BRD7: variants seen among roughly 807,000 people sequenced by gnomAD.
BRD7 encodes the protein bromodomain containing 7.
In BRD7, 15 loss-of-function variants were observed where a neutral mutation model predicts 82.1. That is an observed-to-expected ratio of 0.18 (90% CI 0.12 to 0.28). The LOEUF is 0.28. Ranked by LOEUF, BRD7 falls within the 10% of genes least tolerant of loss-of-function variation. The pLI, the probability that BRD7 is intolerant of heterozygous loss-of-function variation, is 1.00. For missense variants in BRD7, 638 were observed against 779.9 expected, an observed-to-expected ratio of 0.82 and a Z score of 2.17; for synonymous variants, 232 against 266.9, an observed-to-expected ratio of 0.87 and a Z score of 1.27.
At chr16:50,336,828 A>G (rs2037822067) in intron 6 of BRD7, among the ~76,000 whole-genome samples, 1 of 152,238 alleles carries the variant, frequency 6.6e-6, no homozygotes, top group Non-Finnish European at 1.5e-5. Context: ...GTCCCAGGAA[A>G]GAGTGAAGTT....
chr16:50,316,620 C>A lies in BRD7; in HGVS notation c.*2591G>T, dbSNP rs1413828350. On this transcript the variant is annotated 3_prime_UTR_variant, in exon 17 of 17. Transcript: ENST00000394688. ...GGCTCCTGGATCTGGGAAGCCCGCCCCCTCACAAATGCTGAGCCGTTCTTG... is the reference window on the plus strand; with the variant it reads ...GGCTCCTGGATCTGGGAAGCCCGCCACCTCACAAATGCTGAGCCGTTCTTG... 1 of 152,364 alleles carries A rather than the reference C, an allele frequency of 6.6e-6. No individual in the cohort carries two copies. Among genetic ancestry groups the A allele is most frequent in the Admixed American group, 6.5e-5 (1 of 15,278 alleles). The allele number at this position is 152,364 out of a possible 1,614,324, so 9.4% of individuals were successfully genotyped here. A position where few individuals can be genotyped will look rare whatever the true frequency, so the allele number is the denominator to read the frequency against.
rs2038178395 is a variant in BRD7 at position 50,343,953 on chromosome 16, C to G, written c.592-3867G>C. Among the ~76,000 whole-genome samples the G allele has an allele frequency of 2.0e-5, 3 of 152,204 alleles. No homozygotes were observed. The South Asian group carries it at 6.2e-4, about 31-fold the overall frequency. On this transcript the variant is annotated intron_variant, in intron 5 of 16. Coordinates refer to ENST00000394688, the MANE Select transcript of BRD7 (RefSeq NM_013263.5). ...ATGGAGTTTGAGATCTGAGAACGGA[C>G]AGACTACCTCCTGAAGTGAGTCCCT...
chr16:50,368,052 T>G (rs1424343735), intron 2 of BRD7, 38 bp downstream of exon 2: 8 of 1,605,702 alleles, frequency 5.0e-6, no homozygotes, highest in Non-Finnish European at 6.8e-6. Context: ...GAAGAGGCAG[T>G]GCCGTCCGCA....
rs1379783647 is a variant in BRD7, at chr16:50,316,334, CT to C, written c.*2876del. ...AGAGCCTTGCCTTTGAATGAGGCAGCTTGTGAGGCAAGCATTCTGGAGAGAG... is the reference window on the plus strand; with the variant it reads ...AGAGCCTTGCCTTTGAATGAGGCAGCTGTGAGGCAAGCATTCTGGAGAGAG... On this transcript the variant is annotated 3_prime_UTR_variant, in exon 17 of 17. Coordinates refer to ENST00000394688, the MANE Select transcript of BRD7 (RefSeq NM_013263.5). 6.6e-6 allele frequency: 1 copy of C among 152,388 alleles called. No individual in the cohort carries two copies. The highest frequency in any genetic ancestry group is 1.5e-5 in the Non-Finnish European group (1 of 68,064). 9.4% of individuals were successfully genotyped at this position (152,388 alleles called of 1,614,324 possible). A position where few individuals can be genotyped will look rare whatever the true frequency, so the allele number is the denominator to read the frequency against.
rs1469866765 is a variant in BRD7 at position 50,318,309 on chromosome 16, G to GAAA, written c.*899_*901dup. On this transcript the variant is annotated 3_prime_UTR_variant, in exon 17 of 17. Transcript: ENST00000394688. ...AATACTAATTAATTTTCAAAGTCAG[G>GAAA]AAAATAATAGAAATCAAATGGCTTC... 1 of 152,170 alleles carries GAAA rather than the reference G, an allele frequency of 6.6e-6. No individual in the cohort carries two copies. The highest frequency in any genetic ancestry group is 6.5e-5 in the Admixed American group (1 of 15,280). The allele number at this position is 152,170 out of a possible 1,614,324, so 9.4% of individuals were successfully genotyped here. A position where few individuals can be genotyped will look rare whatever the true frequency, so the allele number is the denominator to read the frequency against.
intron 2 of BRD7, among the ~76,000 whole-genome samples, chr16:50,356,335 T>G (rs533737068): frequency 5.3e-5 from 8 of 152,222 alleles, no homozygotes; most frequent in Non-Finnish European, 8.8e-5. Flanking sequence ...ACATGGAGAC[T>G]TGTAAGAGAT....
At chr16:50,347,195 T>C (rs2038319982) in intron 5 of BRD7, among the ~76,000 whole-genome samples, 1 of 152,310 alleles carries the variant, frequency 6.6e-6, no homozygotes. Context: ...AAAAGGCCTT[T>C]GACAAAATTC....
At chr16:50,337,307 C>CTGGAGTG (rs1305794717) in intron 6 of BRD7, among the ~76,000 whole-genome samples, 2 of 130,052 alleles carry the variant, frequency 1.5e-5, no homozygotes, top group African/African-American at 2.9e-5. Context: ...GTTGCCCAGG[C>CTGGAGTG]TGGAGTGCAG....
rs1567296282 is a variant in BRD7 at position 50,368,252 on chromosome 16, G to C, written c.96C>G (p.Asn32Lys). The C allele has an allele frequency of 6.2e-7, 1 of 1,614,126 alleles. No homozygotes were observed. Among genetic ancestry groups the C allele is most frequent in the Middle Eastern group, 1.6e-4 (1 of 6,062 alleles). Residue 32 changes from asparagine to lysine, a missense_variant, in exon 2 of 17, where the codon AAC becomes AAG. Asn to Lys is a moderately conservative substitution (Grantham distance 94, BLOSUM62 0). Around this residue, in one of 3 missense-constraint regions of BRD7, gnomAD observed 172 missense variants for 155.3 expected, o/e 1.11. Transcript: ENST00000394688. ...TGCCCGTGGAGAGTTCGGTGACTTC[G>C]TTCCCTCCTACTTTGAGGACCAGCT... ...PLKLVLKVGG[N>K]EVTELSTGSS...
intron 6 of BRD7, among the ~76,000 whole-genome samples, chr16:50,339,599 C>CTTCT (rs1350787600): frequency 1.3e-5 from 2 of 152,196 alleles, no homozygotes; most frequent in Non-Finnish European, 2.9e-5. Flanking sequence ...AAATTCTGTG[C>CTTCT]TTCTGACAGG....
At chr16:50,344,888 C>A (rs1034022665) in intron 5 of BRD7, among the ~76,000 whole-genome samples, 1 of 152,066 alleles carries the variant, frequency 6.6e-6, no homozygotes, top group Admixed American at 6.6e-5. Flanking sequence ...CAAGGCAGGC[C>A]AATATTCAAA....
chr16:50,348,384 T>C (rs1451272492), intron 5 of BRD7, among the ~76,000 whole-genome samples: 1 of 152,100 alleles, frequency 6.6e-6, no homozygotes, highest in African/African-American at 2.4e-5. Context: ...CCAAAAGCAA[T>C]GGCAACAAAA....
rs201143076 is a variant in BRD7, at chr16:50,355,636, GAA to G, written c.259-716_259-715del. ...GGTGGTGCTGAGACAACTGTTACCT[GAA>G]AAGAGAAAATAGAATTTGAGCTCTA... On this transcript the variant is annotated intron_variant, in intron 2 of 16. Coordinates refer to ENST00000394688, the MANE Select transcript of BRD7 (RefSeq NM_013263.5). Among the ~76,000 whole-genome samples, 6 of 152,302 alleles carry G rather than the reference GAA, an allele frequency of 3.9e-5. No individual in the cohort carries two copies. The East Asian group carries it at 1.2e-3, about 29-fold the overall frequency.
chr16:50,354,533 G>A, intron 3 of BRD7, 51 bp from the exon 4 acceptor site: 3 of 1,461,536 alleles, frequency 2.1e-6, no homozygotes, highest in Non-Finnish European at 2.8e-6. Flanking sequence ...GTATTCTAGA[G>A]AGTATTATTT....
chr16:50,356,727 T>A (rs966588026), intron 2 of BRD7, among the ~76,000 whole-genome samples: 13 of 150,622 alleles, frequency 8.6e-5, no homozygotes, highest in Admixed American at 2.6e-4. Flanking sequence ...AAAAAAAATA[T>A]ATATATATAT....
chr16:50,341,347 TA>T (rs2038044731), intron 5 of BRD7, among the ~76,000 whole-genome samples: 1 of 152,098 alleles, frequency 6.6e-6, no homozygotes, highest in Admixed American at 6.6e-5. Context: ...TCCAGGCCAT[TA>T]AGAATTACTA....
Position 50,317,316 on chromosome 16 carries a change from T to G in BRD7, c.*1895A>C, listed in dbSNP as rs566156219. ...TTTTTACACACCAAAACTTTTTACA[T>G]GAAGGGCTGGTTTCACATGAATACT... On this transcript the variant is annotated 3_prime_UTR_variant, in exon 17 of 17. Coordinates refer to ENST00000394688, the MANE Select transcript of BRD7 (RefSeq NM_013263.5). The G allele has an allele frequency of 2.0e-5, 3 of 152,554 alleles. No individual in the cohort carries two copies. The highest frequency in any genetic ancestry group is 2.1e-4 in the South Asian group (1 of 4,828). The allele number at this position is 152,554 out of a possible 1,614,324, so 9.5% of individuals were successfully genotyped here.
rs780070858 is a variant in BRD7, at chr16:50,333,610, A to G, written c.975T>C (p.Ser325=). 25 of 1,611,890 alleles carry G rather than the reference A, an allele frequency of 1.6e-5. No homozygotes were observed. The highest frequency in any genetic ancestry group is 2.1e-5 in the Non-Finnish European group (25 of 1,179,844). The change falls in exon 8 of 17, where the codon TCT becomes TCC. Residue 325 remains serine (S), a synonymous_variant. Transcript: ENST00000394688. ...QEQLDRIVKE[S]GGKLTRRLVN... ...CAAGCCGCCTGGTCAGCTTTCCTCC[A>G]GATTCCTTCACGATGCGGTCAAGCT...
intron 14 of BRD7, 77 bp from the exon 15 acceptor site, chr16:50,320,468 A>C: frequency 1.3e-6 from 2 of 1,557,562 alleles, no homozygotes; most frequent in East Asian, 2.2e-5. Context: ...GGGCTTTGCT[A>C]ATTATTGGTT....
Sources: allele counts gnomAD v4.1 joint callset (sites outside exome capture counted in the v4.1 genomes callset), GRCh38; gene constraint gnomAD v4.1.1; regional missense constraint gnomAD v4.1.1; transcripts MANE v1.5; gene names NCBI Gene and HGNC (gene_info 2026-07-23, HGNC 2026-07-21).